Variants in NAALADL2 observed in about 807,000 individuals in gnomAD.
The protein encoded by NAALADL2 is N-acetylated alpha-linked acidic dipeptidase like 2.
In NAALADL2, 76 loss-of-function variants were observed where a neutral mutation model predicts 87.2. The observed-to-expected ratio is 0.87, with a 90% CI of 0.72 to 1.05. NAALADL2 has a LOEUF of 1.05. Ranked by LOEUF, NAALADL2 falls within the 50% of genes least tolerant of loss-of-function variation. The probability of loss-of-function intolerance (pLI) is 0.00; values close to 1 mark genes in which losing one functional copy is unlikely to be tolerated. For missense variants in NAALADL2, 1,089 were observed against 945.8 expected (o/e 1.15, Z -1.99); for synonymous variants, 354 against 331.0 (o/e 1.07, Z -0.75).
At chr3:174,462,257 T>C (rs1716263368) in intron 1 of NAALADL2, among the ~76,000 whole-genome samples, 1 of 152,080 alleles carries the variant, frequency 6.6e-6, no homozygotes, top group South Asian at 2.1e-4. Flanking sequence ...TGTCCTTGGT[T>C]GTTGCAAAAT....
intron 1 of NAALADL2, among the ~76,000 whole-genome samples, chr3:174,520,938 G>T (rs1048739717): frequency 2.0e-5 from 3 of 151,978 alleles, no homozygotes; most frequent in African/African-American, 7.2e-5. Context: ...AATCATCAAA[G>T]AAATACAAAC....
chr3:174,832,521 G>T (rs1193655513), intron 3 of NAALADL2, among the ~76,000 whole-genome samples: 2 of 152,028 alleles, frequency 1.3e-5, no homozygotes, highest in African/African-American at 4.8e-5. Context: ...GAGTGCAGTG[G>T]CTCGATCTCA....
chr3:174,604,922 C>T (rs1297084306), intron 2 of NAALADL2, among the ~76,000 whole-genome samples: 12 of 151,906 alleles, frequency 7.9e-5, no homozygotes. Context: ...GCACGCACCA[C>T]CACCCCGGCT....
At chr3:174,556,518 C>T (rs73172561) in intron 2 of NAALADL2, among the ~76,000 whole-genome samples, 7,899 of 151,452 alleles carry the variant, frequency 0.052, 223 homozygotes, top group Non-Finnish European at 0.061. Flanking sequence ...GAAAAGAATG[C>T]ATTCTCTTGG....
intron 9 of NAALADL2, among the ~76,000 whole-genome samples, chr3:175,492,778 A>G (rs1728286092): frequency 6.6e-6 from 1 of 152,118 alleles, no homozygotes; most frequent in African/African-American, 2.4e-5. Flanking sequence ...TTATTCCACT[A>G]ATTTTAAATA....
chr3:175,045,050 C>A (rs964508255), intron 1 of NAALADL2, among the ~76,000 whole-genome samples: 1 of 151,864 alleles, frequency 6.6e-6, no homozygotes, highest in Non-Finnish European at 1.5e-5. Context: ...CCATTGCAAC[C>A]CTGAAGACAC....
chr3:175,786,116 C>G (rs557845061), intron 13 of NAALADL2, among the ~76,000 whole-genome samples: 1,597 of 152,118 alleles, frequency 0.01, 36 homozygotes, highest in African/African-American at 0.037. Context: ...CAACCTTTCT[C>G]TCTGGCTGCC....
chr3:174,686,468 G>A lies in NAALADL2; in HGVS notation c.-114-51173G>A, dbSNP rs145683778. 5.2e-3 allele frequency among the ~76,000 whole-genome samples: 796 copies of A among 151,836 alleles called. 7 individuals carry two copies. Among genetic ancestry groups the A allele is most frequent in the African/African-American group, 0.018 (752 of 41,440 alleles). On this transcript the variant is annotated intron_variant, in intron 2 of 3. Coordinates refer to the NAALADL2 transcript ENST00000434257. ...TTTCTTTGATGACTGGTGATGTTAA[G>A]CTTTTTTCATATGTTGAGCTTTTTT...
chr3:174,807,130 T>C (rs139190357), intron 3 of NAALADL2, among the ~76,000 whole-genome samples: 1 of 152,290 alleles, frequency 6.6e-6, no homozygotes, highest in East Asian at 1.9e-4. Flanking sequence ...TGAAATTTTA[T>C]TAGCTCACAT....
chr3:174,493,258 T>C (rs957110075), intron 1 of NAALADL2, among the ~76,000 whole-genome samples: 1 of 152,200 alleles, frequency 6.6e-6, no homozygotes, highest in African/African-American at 2.4e-5. Flanking sequence ...GTTAAAATGA[T>C]GTCATTAGAG....
chr3:175,362,187 T>C (rs893323162), intron 5 of NAALADL2, among the ~76,000 whole-genome samples: 4 of 147,848 alleles, frequency 2.7e-5, no homozygotes, highest in Non-Finnish European at 6.0e-5. Flanking sequence ...AGATGTGTGG[T>C]ATTATTTCTG....
At chr3:175,150,070 T>G (rs1731321543) in intron 2 of NAALADL2, among the ~76,000 whole-genome samples, 1 of 152,192 alleles carries the variant, frequency 6.6e-6, no homozygotes, top group South Asian at 2.1e-4. Flanking sequence ...CATTTTATAC[T>G]TCCCTGGCAG....
At chr3:174,981,275 T>G (rs1392770888) in intron 1 of NAALADL2, among the ~76,000 whole-genome samples, 1 of 152,052 alleles carries the variant, frequency 6.6e-6, no homozygotes, top group Non-Finnish European at 1.5e-5. Context: ...AACTCTAAGC[T>G]TAGTCACTGA....
chr3:174,984,009 A>C (rs926482449), intron 1 of NAALADL2, among the ~76,000 whole-genome samples: 35 of 152,186 alleles, frequency 2.3e-4, no homozygotes, highest in African/African-American at 8.2e-4. Flanking sequence ...TTTAGTCTCA[A>C]TTCTCATCCA....
intron 3 of NAALADL2, among the ~76,000 whole-genome samples, chr3:174,850,423 A>G (rs759910767): frequency 1.6e-4 from 25 of 152,204 alleles, no homozygotes; most frequent in Non-Finnish European, 4.4e-5. Context: ...AAATGAAGGG[A>G]TAGAAAATAT....
intron 4 of NAALADL2, among the ~76,000 whole-genome samples, chr3:175,291,119 C>G (rs1340164337): frequency 6.6e-6 from 1 of 152,032 alleles, no homozygotes; most frequent in East Asian, 1.9e-4. Context: ...GTAAATGTGT[C>G]TATTTGGTTC....
chr3:174,715,030 G>A (rs915207475), intron 2 of NAALADL2, among the ~76,000 whole-genome samples: 2 of 152,072 alleles, frequency 1.3e-5, no homozygotes, highest in Admixed American at 1.3e-4. Flanking sequence ...TTTGTCAAAG[G>A]CCTTTTCTGC....
intron 1 of NAALADL2, among the ~76,000 whole-genome samples, chr3:175,076,899 A>G (rs371063940): frequency 6.6e-6 from 1 of 152,234 alleles, no homozygotes; most frequent in African/African-American, 2.4e-5. Context: ...ATGTGTGTGC[A>G]GTTTTGTAGT....
chr3:175,334,028 A>G (rs1320483753), intron 5 of NAALADL2, among the ~76,000 whole-genome samples: 1 of 152,162 alleles, frequency 6.6e-6, no homozygotes, highest in Non-Finnish European at 1.5e-5. Flanking sequence ...TGTTTGCATC[A>G]TCTTTTGAAT....
Sources: gnomAD v4.1 joint callset for allele counts (sites outside exome capture counted in the v4.1 genomes callset) on GRCh38, gnomAD v4.1.1 for gene constraint, MANE v1.5 for transcripts, NCBI Gene and HGNC (gene_info 2026-07-23, HGNC 2026-07-21) for gene names.